Variants in STT3B observed in about 807,000 individuals in gnomAD.
The protein encoded by STT3B is STT3 oligosaccharyltransferase complex catalytic subunit B, also known as dolichyl-diphosphooligosaccharide--protein glycosyltransferase subunit STT3B.
STT3B carries 29 observed loss-of-function variants against 96.8 expected under a neutral mutation model. The ratio of observed to expected loss-of-function variants is 0.30; its 90% CI spans 0.22 to 0.41. The LOEUF is 0.41. STT3B is among the 10% of genes least tolerant of loss of function. The probability of loss-of-function intolerance (pLI) is 1.00; values close to 1 mark genes in which losing one functional copy is unlikely to be tolerated. For synonymous variants in STT3B, 367 were observed against 360.0 expected (o/e 1.02, Z -0.22); for missense variants, 640 against 1,022.3 (o/e 0.63, Z 5.10).
chr3:31,607,351 C>T (rs1470967469), intron 5 of STT3B, among the ~76,000 whole-genome samples: 4 of 152,134 alleles, frequency 2.6e-5, no homozygotes, highest in Non-Finnish European at 2.9e-5. Context: ...ACCCAAATCT[C>T]ATCTTGAATT....
At position 31,636,114 on chromosome 3, in the gene STT3B, G is replaced by C. The variant is rs1421177059; in HGVS notation, c.*50G>C. 1.4e-6 allele frequency: 2 copies of C among 1,409,030 alleles called. No homozygotes were observed. Among genetic ancestry groups the C allele is most frequent in the Non-Finnish European group, 9.7e-7 (1 of 1,026,824 alleles). 87.3% of individuals were successfully genotyped at this position (1,409,030 alleles called of 1,614,324 possible). A position where few individuals can be genotyped will look rare whatever the true frequency, so the allele number is the denominator to read the frequency against. Reference sequence around the variant, plus strand: ...GAAGCAGTTGTCCTTGTGAGAACCGGTCTTTGCCTTTAGCTCATGTCGTGT... The same window carrying C: ...GAAGCAGTTGTCCTTGTGAGAACCGCTCTTTGCCTTTAGCTCATGTCGTGT... On this transcript the variant is annotated 3_prime_UTR_variant, in exon 16 of 16. Transcript: ENST00000295770.
chr3:31,552,678 C>T (rs1697590281), intron 1 of STT3B, among the ~76,000 whole-genome samples: 1 of 152,192 alleles, frequency 6.6e-6, no homozygotes, highest in South Asian at 2.1e-4. Context: ...CTCAATAATT[C>T]ATCCAGGTTT....
chr3:31,622,073 T>C, intron 9 of STT3B, 24 bp from the exon 10 acceptor site: 4 of 1,599,086 alleles, frequency 2.5e-6, no homozygotes, highest in Non-Finnish European at 3.4e-6. Flanking sequence ...CTCCAACATA[T>C]TGTAAGAGAA....
chr3:31,602,334 A>T (rs1698946508), intron 5 of STT3B, among the ~76,000 whole-genome samples: 2 of 152,056 alleles, frequency 1.3e-5, no homozygotes, highest in Non-Finnish European at 1.5e-5. Context: ...GGTTACAGTG[A>T]AGGAACTAAG....
At chr3:31,535,583 G>A (rs972650863) in intron 1 of STT3B, among the ~76,000 whole-genome samples, 2 of 152,034 alleles carry the variant, frequency 1.3e-5, no homozygotes, top group African/African-American at 4.8e-5. Context: ...AATTAGCCGG[G>A]AGTGGTGTCG....
chr3:31,581,489 A>G (rs979350917), intron 3 of STT3B, among the ~76,000 whole-genome samples: 2 of 152,224 alleles, frequency 1.3e-5, no homozygotes, highest in Non-Finnish European at 2.9e-5. Flanking sequence ...AATCACCCAC[A>G]GTGAACTACC....
intron 1 of STT3B, among the ~76,000 whole-genome samples, chr3:31,572,037 T>TATATTAATATATATTAATATATTA (rs369557526): frequency 2.5e-5 from 1 of 40,418 alleles, no homozygotes; most frequent in African/African-American, 4.9e-5. Flanking sequence ...TATTAATATA[T>TATATTAATATATATTAATATATTA]GATATATTAA....
chr3:31,553,115 A>G (rs1697611708), intron 1 of STT3B, among the ~76,000 whole-genome samples: 1 of 151,922 alleles, frequency 6.6e-6, no homozygotes, highest in African/African-American at 2.4e-5. Flanking sequence ...AAAAAAAAAA[A>G]AAAACCAAAT....
At chr3:31,626,248 C>T in intron 13 of STT3B, 121 bp downstream of exon 13, 1 of 884,416 alleles carries the variant, frequency 1.1e-6, no homozygotes, top group Non-Finnish European at 1.7e-6. Flanking sequence ...AGTTCCTTAC[C>T]CTGGCTTTAC....
chr3:31,615,238 A>C (rs1246388510), intron 6 of STT3B, 35 bp downstream of exon 6: 1 of 1,484,646 alleles, frequency 6.7e-7, no homozygotes, highest in South Asian at 1.2e-5. Context: ...CTTCTAAAGA[A>C]TATGTGGACG....
In STT3B at chr3:31,533,166, G is replaced by A. The variant is rs1396408166; in HGVS notation, c.168G>A (p.Ala56=). The A allele has an allele frequency of 4.1e-5, 54 of 1,333,140 alleles. No individual in the cohort carries two copies. The East Asian group carries it at 1.7e-3, about 42-fold the overall frequency. The allele number at this position is 1,333,140 out of a possible 1,614,324, so 82.6% of individuals were successfully genotyped here. ...GGAAPPKPAP[A]GLSGGLSQPA... is the part of the protein sequence containing the mutation. ...CGGCGCCGCCGAAGCCGGCCCCGGC[G>A]GGGCTGTCCGGGGGGCTGTCGCAGC... Residue 56 remains alanine, a synonymous_variant, in exon 1 of 16, where the codon GCG becomes GCA. Transcript: ENST00000295770.
intron 1 of STT3B, among the ~76,000 whole-genome samples, chr3:31,553,783 C>CA (rs1377751139): frequency 2.0e-5 from 3 of 152,136 alleles, no homozygotes; most frequent in Non-Finnish European, 4.4e-5. Context: ...CCTGGGTTCT[C>CA]TGCTTAATTA....
At chr3:31,597,531 A>C (rs1201684870) in intron 4 of STT3B, among the ~76,000 whole-genome samples, 4 of 151,926 alleles carry the variant, frequency 2.6e-5, no homozygotes, top group African/African-American at 9.7e-5. Context: ...ATCATAGCTC[A>C]CTATAACCTT....
intron 1 of STT3B, among the ~76,000 whole-genome samples, chr3:31,572,101 A>AAT (rs1167734153): frequency 7.4e-6 from 1 of 134,790 alleles, no homozygotes; most frequent in East Asian, 2.0e-4. Flanking sequence ...TAAGATATTA[A>AAT]ATATATATAT....
At position 31,596,348 on chromosome 3, in the gene STT3B, G is replaced by C. The variant is rs557698510; in HGVS notation, c.712-450G>C. On this transcript the variant is annotated intron_variant, in intron 3 of 15. Transcript: ENST00000295770. ...GAGTACCCAGGAAAGGGCAAACTTG[G>C]AAGGTTTTCACACCTCATTGCGTAG... Among the ~76,000 whole-genome samples the C allele has an allele frequency of 3.3e-5, 5 of 152,132 alleles. No homozygotes were observed. In the South Asian group the frequency reaches 1.0e-3, roughly 32 times the overall value.
intron 1 of STT3B, among the ~76,000 whole-genome samples, chr3:31,566,837 A>G (rs2125447052): frequency 6.6e-6 from 1 of 152,308 alleles, no homozygotes; most frequent in Middle Eastern, 3.4e-3. Context: ...TTAAGTTCCA[A>G]AAGAGCAGAA....
chr3:31,562,481 A>G (rs559206230), intron 1 of STT3B, among the ~76,000 whole-genome samples: 1 of 152,182 alleles, frequency 6.6e-6, no homozygotes, highest in South Asian at 2.1e-4. Flanking sequence ...TGGTGGGGGT[A>G]TGGAGCTAGC....
intron 1 of STT3B, among the ~76,000 whole-genome samples, chr3:31,542,478 TGAA>T (rs1697301863): frequency 1.3e-5 from 2 of 152,226 alleles, no homozygotes; most frequent in African/African-American, 4.8e-5. Flanking sequence ...AATTCTTTGT[TGAA>T]GAAAAATTTA....
intron 15 of STT3B, 74 bp downstream of exon 15, chr3:31,633,221 T>C: frequency 7.5e-7 from 1 of 1,333,478 alleles, no homozygotes; most frequent in South Asian, 1.4e-5. Context: ...TTCTGGAAAT[T>C]GCAATAAATT....
Sources: allele counts gnomAD v4.1 joint callset (sites outside exome capture counted in the v4.1 genomes callset), GRCh38; gene constraint gnomAD v4.1.1; transcripts MANE v1.5; gene names NCBI Gene and HGNC (gene_info 2026-07-23, HGNC 2026-07-21).